The following INSYN2A variants were observed in gnomAD, a reference collection of about 807,000 sequenced individuals.
INSYN2A encodes inhibitory synaptic factor 2A, also known as family with sequence similarity 196 member A.
INSYN2A carries 17 observed loss-of-function variants against 39.4 expected under a neutral mutation model. That is an observed-to-expected ratio of 0.43 (90% CI 0.30 to 0.65). INSYN2A has a LOEUF of 0.65. INSYN2A is among the 30% of genes least tolerant of loss of function. INSYN2A has a pLI of 0.14. For synonymous variants in INSYN2A, 255 were observed against 265.7 expected (o/e 0.96, Z 0.39); for missense variants, 595 against 631.2 (o/e 0.94, Z 0.61).
chr10:127,169,085 A>G (rs1374383346), intron 4 of INSYN2A, among the ~76,000 whole-genome samples: 1 of 152,108 alleles, frequency 6.6e-6, no homozygotes. Flanking sequence ...TCACGCAAAC[A>G]TGTTCTGTGA....
chr10:127,192,454 C>A (rs1393668033), intron 2 of INSYN2A, among the ~76,000 whole-genome samples, 151 bp downstream of exon 2: 1 of 152,212 alleles, frequency 6.6e-6, no homozygotes, highest in African/African-American at 2.4e-5. Context: ...ACACATTTGT[C>A]AGGTTAGAAT....
intron 4 of INSYN2A, among the ~76,000 whole-genome samples, chr10:127,156,493 T>C (rs948014090): frequency 1.5e-4 from 23 of 152,180 alleles, no homozygotes; most frequent in African/African-American, 5.5e-4. Context: ...AAATTGCTTT[T>C]CTGAATCTTT....
intron 2 of INSYN2A, among the ~76,000 whole-genome samples, chr10:127,186,874 G>C (rs1483476793): frequency 2.6e-5 from 4 of 152,108 alleles, no homozygotes; most frequent in African/African-American, 7.2e-5. Flanking sequence ...TGCACACACA[G>C]ATACAGGAGG....
intron 2 of INSYN2A, among the ~76,000 whole-genome samples, chr10:127,183,232 A>T (rs905720178): frequency 6.6e-6 from 1 of 152,044 alleles, no homozygotes. Flanking sequence ...AGGATACCCT[A>T]TTGGGACAAT....
intron 2 of INSYN2A, among the ~76,000 whole-genome samples, chr10:127,184,664 A>G (rs2056061697): frequency 6.6e-6 from 1 of 152,122 alleles, no homozygotes; most frequent in South Asian, 2.1e-4. Flanking sequence ...CTACTCAGAA[A>G]TGCTCCATCT....
chr10:127,165,969 G>C (rs2054035448), intron 4 of INSYN2A, among the ~76,000 whole-genome samples: 1 of 152,210 alleles, frequency 6.6e-6, no homozygotes, highest in South Asian at 2.1e-4. Flanking sequence ...AGGCCTGGGA[G>C]GGTAGGAGCT....
intron 5 of INSYN2A, among the ~76,000 whole-genome samples, chr10:127,144,153 C>T (rs1322504972): frequency 6.6e-6 from 1 of 152,220 alleles, no homozygotes; most frequent in East Asian, 1.9e-4. Flanking sequence ...TAGTCTCCCT[C>T]ACTCTCTGTA....
At chr10:127,179,550 AT>A (rs2055521341) in intron 2 of INSYN2A, among the ~76,000 whole-genome samples, 1 of 152,116 alleles carries the variant, frequency 6.6e-6, no homozygotes, top group African/African-American at 2.4e-5. Flanking sequence ...GCTGGATGAC[AT>A]TTTCTAAAGC....
intron 2 of INSYN2A, among the ~76,000 whole-genome samples, chr10:127,178,015 G>T (rs186758982): frequency 6.6e-6 from 1 of 152,270 alleles, no homozygotes; most frequent in Non-Finnish European, 1.5e-5. Context: ...ACAGACAGAG[G>T]CATGACCCCT....
intron 4 of INSYN2A, among the ~76,000 whole-genome samples, chr10:127,160,736 A>G (rs568434009): frequency 5.0e-4 from 76 of 152,350 alleles, no homozygotes; most frequent in Admixed American, 4.9e-3. Flanking sequence ...TGTTGCAGAT[A>G]TAAAAAAGGC....
In INSYN2A at chr10:127,153,894, G is replaced by C. The variant is rs757246326; in HGVS notation, c.1214C>G (p.Ala405Gly). The C allele has an allele frequency of 6.2e-7, 1 of 1,613,896 alleles. No homozygotes were observed. The highest frequency in any genetic ancestry group is 8.5e-7 in the Non-Finnish European group (1 of 1,179,816). Residue 405 changes from alanine to glycine, a missense_variant, in exon 5 of 6, where the codon GCT becomes GGT. Physicochemically the swap from Ala to Gly is moderately conservative, Grantham distance 60. This residue lies in a region of INSYN2A where 117 missense variants were observed against 163.8 expected (regional missense o/e 0.71). Transcript: ENST00000522781. ...ACTGTTCCTGCATGTGTCACAATTA[G>C]CTGTGTCTTGCCCCGTCCGATATGA... ...GLSYRTGQDT[A>G]NCDTCRNSAC...
chr10:127,195,744 A>G (rs988591871), intron 1 of INSYN2A, among the ~76,000 whole-genome samples: 1 of 152,038 alleles, frequency 6.6e-6, no homozygotes, highest in Non-Finnish European at 1.5e-5. Flanking sequence ...AAGTTGCCAG[A>G]CGCCCCTCAG....
At chr10:127,149,659 C>A (rs2052290990) in intron 5 of INSYN2A, among the ~76,000 whole-genome samples, 1 of 151,984 alleles carries the variant, frequency 6.6e-6, no homozygotes, top group East Asian at 1.9e-4. Context: ...CAGGCAGGGT[C>A]AAATTCATTT....
At chr10:127,169,078 C>T (rs533138338) in intron 4 of INSYN2A, among the ~76,000 whole-genome samples, 21 of 152,270 alleles carry the variant, frequency 1.4e-4, no homozygotes, top group South Asian at 6.2e-4. Context: ...AGTCACATCA[C>T]GCAAACATGT....
Position 127,136,140 on chromosome 10 carries a change from T to C in INSYN2A, c.*1697A>G, listed in dbSNP as rs193114423. On this transcript the variant is annotated 3_prime_UTR_variant, in exon 6 of 6. Coordinates refer to ENST00000522781, the MANE Select transcript of INSYN2A (RefSeq NM_001039762.3). The stretch of plus-strand genomic sequence containing the variant: ...TGTGTTTTAAATTAAAGCATACAAC[T>C]GCAGTGTTGTTTGGCCCCCGAAGAA... The C allele has an allele frequency of 6.6e-6, 1 of 152,404 alleles. No homozygotes were observed. The highest frequency in any genetic ancestry group is 1.9e-4 in the East Asian group (1 of 5,186). 9.4% of individuals were successfully genotyped at this position (152,404 alleles called of 1,614,324 possible). A position where few individuals can be genotyped will look rare whatever the true frequency, so the allele number is the denominator to read the frequency against.
At position 127,175,241 on chromosome 10, in the gene INSYN2A, C is replaced by T. The variant is rs773659924; in HGVS notation, c.1155G>A (p.Glu385=). 1.9e-6 allele frequency: 3 copies of T among 1,613,746 alleles called. No homozygotes were observed. Among genetic ancestry groups the T allele is most frequent in the East Asian group, 4.5e-5 (2 of 44,874 alleles). Residue 385 remains glutamate, a synonymous_variant, in exon 4 of 6, where the codon GAG becomes GAA. Transcript: ENST00000522781. This position sits in a 1 kb window ranked among gnomAD's most constrained non-coding sequence, Gnocchi z 6.3. The stretch of plus-strand genomic sequence containing the variant: ...CCCGATGGGCCTCTCCTTTTTCCAA[C>T]TCCTGAATGACCCCCAAGAGCACTT... ...TIKVLLGVIQ[E]LEKGEAHREG...
chr10:127,170,052 C>T (rs1178657967), intron 4 of INSYN2A, among the ~76,000 whole-genome samples: 3 of 151,862 alleles, frequency 2.0e-5, no homozygotes, highest in African/African-American at 4.8e-5. Context: ...GGCCTCACAC[C>T]ACCAAGAAAC....
intron 2 of INSYN2A, among the ~76,000 whole-genome samples, 199 bp downstream of exon 2, chr10:127,192,406 C>T (rs776115944): frequency 1.8e-4 from 27 of 152,192 alleles, no homozygotes; most frequent in Non-Finnish European, 3.8e-4. Context: ...TTCTCTCAGT[C>T]CCAATTAGAG....
At chr10:127,170,883 C>A (rs910864513) in intron 4 of INSYN2A, among the ~76,000 whole-genome samples, 1 of 152,198 alleles carries the variant, frequency 6.6e-6, no homozygotes. Flanking sequence ...TTCATGCAAG[C>A]CCGCACTGCA....
Sources: gnomAD v4.1 joint callset for allele counts (sites outside exome capture counted in the v4.1 genomes callset) on GRCh38, gnomAD v4.1.1 for gene constraint, gnomAD v4.1.1 regional missense constraint, Gnocchi (gnomAD v3.1) non-coding constraint, MANE v1.5 for transcripts, NCBI Gene and HGNC (gene_info 2026-07-23, HGNC 2026-07-21) for gene names.